GSDME: variants seen among roughly 807,000 people sequenced by gnomAD.
GSDME encodes the protein gasdermin E, also known as gasdermin-E.
In GSDME, 44 loss-of-function variants were observed where a neutral mutation model predicts 47.5. The ratio of observed to expected loss-of-function variants is 0.93; its 90% CI spans 0.73 to 1.19. The LOEUF is 1.19. GSDME is among the 50% of genes most tolerant of loss of function. The pLI, the probability that GSDME is intolerant of heterozygous loss-of-function variation, is 0.00. For missense variants in GSDME, 663 were observed against 604.2 expected (o/e 1.10, Z -1.02); for synonymous variants, 258 against 252.8 (o/e 1.02, Z -0.20).
chr7:24,751,587 A>G (rs775007422), intron 1 of GSDME, among the ~76,000 whole-genome samples: 1 of 152,234 alleles, frequency 6.6e-6, no homozygotes, highest in African/African-American at 2.4e-5. Context: ...TATTAACACT[A>G]GGAATGAACA....
chr7:24,792,960 G>T, the GSDME span, among the ~76,000 whole-genome samples: 1 of 152,160 alleles, frequency 6.6e-6, no homozygotes, highest in South Asian at 2.1e-4. Context: ...CTGACCTTTT[G>T]TTTTAAATGT....
intron 7 of GSDME, chr7:24,707,922 G>C (rs56338461): frequency 0.019 from 11,860 of 621,678 alleles, 150 homozygotes; most frequent in Non-Finnish European, 0.023. Context: ...GGTTTGTTGA[G>C]GCAGCCCTAG....
chr7:24,763,748 T>C, the GSDME span, among the ~76,000 whole-genome samples: 3 of 152,212 alleles, frequency 2.0e-5, no homozygotes, highest in Admixed American at 1.3e-4. The surrounding 1 kb of genome is among the most constrained non-coding windows in gnomAD (Gnocchi z 4.3). Context: ...TCTCTCCTAA[T>C]TGCAAGACAG....
chr7:24,718,620 C>T (rs1021967736), intron 4 of GSDME, among the ~76,000 whole-genome samples: 5 of 152,320 alleles, frequency 3.3e-5, no homozygotes, highest in African/African-American at 9.6e-5. Context: ...GAGCACCTGA[C>T]GCCAGCCCAC....
the GSDME span, among the ~76,000 whole-genome samples, chr7:24,785,990 C>A: frequency 1.3e-5 from 2 of 152,204 alleles, no homozygotes; most frequent in Non-Finnish European, 2.9e-5. Flanking sequence ...GAGGGCAGAT[C>A]TTGCAATCTA....
chr7:24,734,418 G>A (rs1430114409), intron 3 of GSDME, among the ~76,000 whole-genome samples: 1 of 152,216 alleles, frequency 6.6e-6, no homozygotes, highest in Non-Finnish European at 1.5e-5. Context: ...GACAATCCAG[G>A]AAAACATGAC....
the GSDME span, among the ~76,000 whole-genome samples, chr7:24,788,470 C>T: frequency 2.6e-5 from 4 of 152,204 alleles, no homozygotes; most frequent in Non-Finnish European, 5.9e-5. The surrounding 1 kb of genome is among the most constrained non-coding windows in gnomAD (Gnocchi z 4.6). Flanking sequence ...CTTCAGCCTG[C>T]TCACAGCCTT....
At chr7:24,706,739 C>T (rs750335177) in intron 7 of GSDME, among the ~76,000 whole-genome samples, 6 of 152,224 alleles carry the variant, frequency 3.9e-5, no homozygotes, top group Non-Finnish European at 7.3e-5. Context: ...TTAAGCTAGG[C>T]GCTCCAGCCC....
chr7:24,741,913 C>G (rs2721803), intron 3 of GSDME, among the ~76,000 whole-genome samples: 4 of 151,962 alleles, frequency 2.6e-5, no homozygotes, highest in African/African-American at 9.7e-5. Context: ...ATAGTTCACC[C>G]TGTCCTCCTA....
chr7:24,707,514 TG>T (rs1219323541), intron 7 of GSDME: 1 of 451,198 alleles, frequency 2.2e-6, no homozygotes, highest in African/African-American at 2.0e-5. Context: ...ACGACCCCCT[TG>T]CAGTAGTCTG....
the GSDME span, among the ~76,000 whole-genome samples, chr7:24,772,846 G>A: frequency 5.3e-5 from 8 of 152,122 alleles, no homozygotes; most frequent in Middle Eastern, 3.2e-3. The surrounding 1 kb of genome is among the most constrained non-coding windows in gnomAD (Gnocchi z 4.5). Flanking sequence ...TCCTCTGTGC[G>A]CTAATATATC....
At chr7:24,775,239 T>C in the GSDME span, among the ~76,000 whole-genome samples, 1 of 152,200 alleles carries the variant, frequency 6.6e-6, no homozygotes, top group Non-Finnish European at 1.5e-5. Context: ...AGCAAAGACC[T>C]TCTTTCAGAT....
At position 24,733,264 on chromosome 7, in the gene GSDME, A is replaced by C. The variant is rs1413186600; in HGVS notation, c.404+11298T>G. On this transcript the variant is annotated intron_variant, in intron 3 of 9. Coordinates refer to ENST00000645220, the MANE Select transcript of GSDME (RefSeq NM_001127453.2). The surrounding 1 kb of genome is among the most constrained non-coding windows in gnomAD (Gnocchi z 4.3). ...GAGCCCTGGGCCCTGCATGATCTGC[A>C]ACAGTAACCAGGCAATACATGCCAT... is the stretch of plus-strand genomic sequence containing the variant. Among the ~76,000 whole-genome samples, 1 of 151,992 alleles carries C rather than the reference A, an allele frequency of 6.6e-6. No individual in the cohort carries two copies. Among genetic ancestry groups the C allele is most frequent in the Admixed American group, 6.6e-5 (1 of 15,266 alleles).
intron 6 of GSDME, among the ~76,000 whole-genome samples, chr7:24,709,453 T>C (rs1789257908): frequency 6.6e-6 from 1 of 152,320 alleles, no homozygotes; most frequent in South Asian, 2.1e-4. Context: ...TTTCTTCAAA[T>C]ACGGACATTT....
rs1343116617 is a variant in GSDME, at chr7:24,742,704, G to C, written c.404+1858C>G. 6.6e-6 allele frequency among the ~76,000 whole-genome samples: 1 copy of C among 152,210 alleles called. No homozygotes were observed. The highest frequency in any genetic ancestry group is 2.4e-5 in the African/African-American group (1 of 41,456). Reference sequence around the variant, plus strand: ...CTGCAAAGCGCATCTAAGCTAGAGAGGGTTGGGTGAGACTGAGGGAGCAGA... The same window carrying C: ...CTGCAAAGCGCATCTAAGCTAGAGACGGTTGGGTGAGACTGAGGGAGCAGA... On this transcript the variant is annotated intron_variant, in intron 3 of 9. Transcript: ENST00000645220. The surrounding 1 kb of genome is among the most constrained non-coding windows in gnomAD (Gnocchi z 4.4).
chr7:24,728,209 C>G lies in GSDME; in HGVS notation c.405-8991G>C, dbSNP rs1790033042. Among the ~76,000 whole-genome samples, 1 of 152,134 alleles carries G rather than the reference C, an allele frequency of 6.6e-6. No individual in the cohort carries two copies. The highest frequency in any genetic ancestry group is 1.5e-5 in the Non-Finnish European group (1 of 68,024). On this transcript the variant is annotated intron_variant, in intron 3 of 9. Transcript: ENST00000645220. The surrounding 1 kb of genome is among the most constrained non-coding windows in gnomAD (Gnocchi z 7.2). ...TTAAAAAGGGACACAAAGAAGAGGC[C>G]ACTTTTCTGCCTCTGGACCTTTTGT...
chr7:24,778,364 C>G, the GSDME span, among the ~76,000 whole-genome samples: 2 of 151,970 alleles, frequency 1.3e-5, no homozygotes, highest in Non-Finnish European at 2.9e-5. The surrounding 1 kb of genome is among the most constrained non-coding windows in gnomAD (Gnocchi z 5.6). Flanking sequence ...TGAGCAACAA[C>G]AAAAAAGTAG....
the GSDME span, among the ~76,000 whole-genome samples, chr7:24,786,468 T>A: frequency 1.3e-5 from 2 of 152,156 alleles, no homozygotes; most frequent in African/African-American, 4.8e-5. The surrounding 1 kb of genome is among the most constrained non-coding windows in gnomAD (Gnocchi z 5.5). Context: ...TAACTTCCAG[T>A]CCTTAGTGAA....
At chr7:24,786,220 A>G in the GSDME span, among the ~76,000 whole-genome samples, 11 of 152,328 alleles carry the variant, frequency 7.2e-5, no homozygotes, top group East Asian at 1.9e-4. The surrounding 1 kb of genome is among the most constrained non-coding windows in gnomAD (Gnocchi z 5.5). Flanking sequence ...AAGTTCCCCA[A>G]TTCCCATCCT....
Sources: allele counts gnomAD v4.1 joint callset (sites outside exome capture counted in the v4.1 genomes callset), GRCh38; gene constraint gnomAD v4.1.1; non-coding constraint Gnocchi (gnomAD v3.1); transcripts MANE v1.5; gene names NCBI Gene and HGNC (gene_info 2026-07-23, HGNC 2026-07-21).